Variants in NTM observed in about 807,000 individuals in gnomAD.
NTM encodes neurotrimin, also known as IgLON family member 2.
In NTM, 13 loss-of-function variants were observed where a neutral mutation model predicts 42.1. That is an observed-to-expected ratio of 0.31 (90% CI 0.20 to 0.49). NTM has a LOEUF of 0.49. Ranked by LOEUF, NTM falls within the 20% of genes least tolerant of loss-of-function variation. NTM has a pLI of 0.99. For synonymous variants in NTM, 187 were observed against 179.2 expected (o/e 1.04, Z -0.35); for missense variants, 373 against 452.8 (o/e 0.82, Z 1.60).
At chr11:132,016,772 G>T (rs1352569259) in intron 2 of NTM, among the ~76,000 whole-genome samples, 1 of 151,878 alleles carries the variant, frequency 6.6e-6, no homozygotes, top group East Asian at 1.9e-4. Context: ...CAATTTATGA[G>T]TTTTCTGTTT....
intron 1 of NTM, among the ~76,000 whole-genome samples, chr11:131,789,639 G>A (rs866632814): frequency 2.7e-5 from 3 of 109,710 alleles, no homozygotes; most frequent in African/African-American, 3.7e-5. Context: ...AAGAAGAAAA[G>A]AAGAAGAAGA....
In NTM at chr11:131,401,822, A is replaced by ATG. The variant is rs1555101761; in HGVS notation, c.82+30935_82+30936insGT. ...GAAATATATATATATATATATATAT[A>ATG]TATATATATATATATATATATATAT... On this transcript the variant is annotated intron_variant, in intron 1 of 8. Transcript: ENST00000683400. 6.4e-4 allele frequency among the ~76,000 whole-genome samples: 37 copies of ATG among 57,850 alleles called. 1 individual carries two copies. The highest frequency in any genetic ancestry group is 2.6e-3 in the African/African-American group (36 of 14,060). The allele number at this position is 57,850 out of a possible 152,430, so 38.0% of individuals were successfully genotyped here. A position where few individuals can be genotyped will look rare whatever the true frequency, so the allele number is the denominator to read the frequency against.
intron 2 of NTM, among the ~76,000 whole-genome samples, chr11:132,056,641 A>G (rs1033668278): frequency 6.6e-6 from 1 of 152,212 alleles, no homozygotes; most frequent in South Asian, 2.1e-4. Context: ...AGGGAATCTT[A>G]TATCTTTGAA....
chr11:131,741,321 G>A (rs1200192849), intron 1 of NTM, among the ~76,000 whole-genome samples: 1 of 152,140 alleles, frequency 6.6e-6, no homozygotes, highest in Non-Finnish European at 1.5e-5. Flanking sequence ...GCAGGATGAG[G>A]GCCTGAGTTC....
At chr11:131,423,525 A>C (rs1244647673) in intron 1 of NTM, among the ~76,000 whole-genome samples, 1 of 152,138 alleles carries the variant, frequency 6.6e-6, no homozygotes, top group Non-Finnish European at 1.5e-5. Context: ...TGTGTAGTTC[A>C]TTTATTCATT....
intron 1 of NTM, among the ~76,000 whole-genome samples, chr11:131,420,714 G>A (rs768459332): frequency 2.0e-5 from 3 of 152,186 alleles, no homozygotes; most frequent in Non-Finnish European, 2.9e-5. Flanking sequence ...CAAGGCTTGG[G>A]CATCTGGAAG....
chr11:132,208,744 C>T (rs1056387947), intron 3 of NTM, among the ~76,000 whole-genome samples: 4 of 152,194 alleles, frequency 2.6e-5, no homozygotes, highest in African/African-American at 9.7e-5. Flanking sequence ...CTGATTTCCA[C>T]TTAAAATGTA....
intron 1 of NTM, among the ~76,000 whole-genome samples, chr11:131,764,258 A>C (rs2084752289): frequency 6.6e-6 from 1 of 152,136 alleles, no homozygotes; most frequent in Non-Finnish European, 1.5e-5. Context: ...AGTGGGTGCA[A>C]CTTCATTTCC....
In NTM at chr11:132,166,687, G is replaced by T. The variant is rs374986190; in HGVS notation, c.400+20173G>T. Among the ~76,000 whole-genome samples, 10 of 152,202 alleles carry T rather than the reference G, an allele frequency of 6.6e-5. No individual in the cohort carries two copies. In the East Asian group the frequency reaches 1.2e-3, roughly 18 times the overall value. On this transcript the variant is annotated intron_variant, in intron 3 of 8. Transcript: ENST00000683400. ...GCATTCCTACTAAGTGCAAGCCACT[G>T]TTCAATATGCTGCTTTTGCTAAATT... is the stretch of plus-strand genomic sequence containing the variant.
At chr11:132,130,866 C>G (rs1258592561) in intron 2 of NTM, among the ~76,000 whole-genome samples, 1 of 152,196 alleles carries the variant, frequency 6.6e-6, no homozygotes, top group African/African-American at 2.4e-5. Flanking sequence ...TACCATTGTC[C>G]TGTACAGAAA....
chr11:132,143,596 A>G (rs868062325), intron 2 of NTM, among the ~76,000 whole-genome samples: 1 of 152,340 alleles, frequency 6.6e-6, no homozygotes, highest in Middle Eastern at 3.4e-3. Flanking sequence ...GAGATGATAA[A>G]ATAGTACACA....
rs998243355 is a variant in NTM at position 132,271,032 on chromosome 11, C to A, written c.527-36657C>A. 2.0e-4 allele frequency among the ~76,000 whole-genome samples: 31 copies of A among 152,112 alleles called. 1 individual carries two copies. Among genetic ancestry groups the A allele is most frequent in the Non-Finnish European group, 2.9e-5 (2 of 68,022 alleles). ...TCAATTTAGAAAAATGTTATCATCC[C>A]CAACAGAAACCCATACCTTTTGTAA... On this transcript the variant is annotated intron_variant, in intron 4 of 8. Coordinates refer to ENST00000683400, the MANE Select transcript of NTM (RefSeq NM_001352005.2).
At chr11:131,651,811 A>G (rs533524132) in intron 1 of NTM, among the ~76,000 whole-genome samples, 7 of 152,232 alleles carry the variant, frequency 4.6e-5, no homozygotes, top group Middle Eastern at 3.4e-3. Context: ...ACTACGCTAC[A>G]GTCTGGAAAC....
chr11:132,119,086 T>G (rs2064329670), intron 2 of NTM, among the ~76,000 whole-genome samples: 1 of 152,218 alleles, frequency 6.6e-6, no homozygotes, highest in Non-Finnish European at 1.5e-5. Flanking sequence ...CTCTGGGCCC[T>G]GGGACCTGGG....
chr11:132,316,000 A>AC (rs1217542705), intron 7 of NTM, among the ~76,000 whole-genome samples: 2 of 151,202 alleles, frequency 1.3e-5, no homozygotes, highest in African/African-American at 4.9e-5. Flanking sequence ...GAAGGAACAG[A>AC]CCCCTCCTTC....
At chr11:131,646,838 T>C (rs2065830811) in intron 1 of NTM, among the ~76,000 whole-genome samples, 1 of 152,196 alleles carries the variant, frequency 6.6e-6, no homozygotes, top group African/African-American at 2.4e-5. Flanking sequence ...GTGAGACATA[T>C]TTCCCAGTTT....
At chr11:132,020,412 A>G (rs1358408610) in intron 2 of NTM, among the ~76,000 whole-genome samples, 3 of 151,250 alleles carry the variant, frequency 2.0e-5, no homozygotes, top group Non-Finnish European at 4.4e-5. Flanking sequence ...AAGTTCCTCT[A>G]TTTCTTTTAC....
intron 4 of NTM, among the ~76,000 whole-genome samples, chr11:132,283,027 TC>T: frequency 7.1e-6 from 1 of 141,714 alleles, no homozygotes; most frequent in East Asian, 2.2e-4. Context: ...TCGCTCTGTC[TC>T]CATGCCAAAG....
At chr11:131,796,141 AG>A (rs2091530863) in intron 1 of NTM, 1 of 985,408 alleles carries the variant, frequency 1.0e-6, no homozygotes, top group Non-Finnish European at 1.2e-6. Flanking sequence ...AAGGACTGGA[AG>A]GGCAAAATGA....
Sources: gnomAD v4.1 joint callset for allele counts (sites outside exome capture counted in the v4.1 genomes callset) on GRCh38, gnomAD v4.1.1 for gene constraint, MANE v1.5 for transcripts, NCBI Gene and HGNC (gene_info 2026-07-23, HGNC 2026-07-21) for gene names.